CCDC7: variants seen among roughly 807,000 people sequenced by gnomAD.
The protein encoded by CCDC7 is coiled-coil domain containing 7.
Under a neutral mutation model 196.9 loss-of-function variants are expected in CCDC7, and 183 were observed. The ratio of observed to expected loss-of-function variants is 0.93; its 90% CI spans 0.82 to 1.05. CCDC7 has a LOEUF of 1.05. CCDC7 is among the 50% of genes least tolerant of loss of function. CCDC7 has a pLI of 0.00. For missense variants in CCDC7, 1,540 were observed against 1,482.2 expected, an observed-to-expected ratio of 1.04 and a Z score of -0.64; for synonymous variants, 525 against 484.6, an observed-to-expected ratio of 1.08 and a Z score of -1.10.
At chr10:32,535,523 G>T (rs11008965) in intron 11 of CCDC7, among the ~76,000 whole-genome samples, 17,190 of 152,112 alleles carry the variant, frequency 0.11, 1,171 homozygotes, top group South Asian at 0.27. Flanking sequence ...ACAGGTCATA[G>T]ATGGATTCAA....
At chr10:32,683,708 G>C (rs2076127447) in intron 21 of CCDC7, among the ~76,000 whole-genome samples, 1 of 152,156 alleles carries the variant, frequency 6.6e-6, no homozygotes, top group Admixed American at 6.5e-5. Flanking sequence ...GGTGAGTACT[G>C]CTGCAGCAGC....
chr10:32,468,805 C>T (rs1213339173), intron 5 of CCDC7, among the ~76,000 whole-genome samples: 2 of 152,154 alleles, frequency 1.3e-5, no homozygotes, highest in African/African-American at 4.8e-5. Context: ...CTTATGCACA[C>T]TAACATTTGA....
At chr10:32,506,946 A>G (rs1389703649) in intron 9 of CCDC7, among the ~76,000 whole-genome samples, 2 of 152,164 alleles carry the variant, frequency 1.3e-5, no homozygotes, top group African/African-American at 2.4e-5. Flanking sequence ...CTCTCTTCTT[A>G]TATAAGTATA....
chr10:32,610,688 C>T (rs1205095160), intron 18 of CCDC7, among the ~76,000 whole-genome samples: 1 of 152,058 alleles, frequency 6.6e-6, no homozygotes, highest in Non-Finnish European at 1.5e-5. Context: ...TTTTCTGTTC[C>T]TGTGTTAGGT....
At chr10:32,525,816 AC>A (rs146928237) in intron 11 of CCDC7, among the ~76,000 whole-genome samples, 6,299 of 152,302 alleles carry the variant, frequency 0.041, 132 homozygotes, top group Middle Eastern at 0.065. Context: ...TCTCTGGATT[AC>A]CAGGCAGGAA....
intron 9 of CCDC7, among the ~76,000 whole-genome samples, chr10:32,495,365 CT>C (rs1468687144): frequency 6.6e-6 from 1 of 152,120 alleles, no homozygotes; most frequent in Non-Finnish European, 1.5e-5. Context: ...ATGATAGTTT[CT>C]TTTGCTGTGC....
chr10:32,821,485 A>T (rs1593131793), intron 31 of CCDC7, among the ~76,000 whole-genome samples: 1 of 152,114 alleles, frequency 6.6e-6, no homozygotes, highest in Non-Finnish European at 1.5e-5. Flanking sequence ...GGATTATAAA[A>T]CATGCTGCTA....
At chr10:32,743,809 A>G (rs1177093674) in intron 28 of CCDC7, among the ~76,000 whole-genome samples, 1 of 152,142 alleles carries the variant, frequency 6.6e-6, no homozygotes, top group African/African-American at 2.4e-5. Flanking sequence ...CTATGCAACC[A>G]TAAAAAGGAT....
At chr10:32,649,126 T>C (rs2068275684) in intron 20 of CCDC7, among the ~76,000 whole-genome samples, 1 of 152,068 alleles carries the variant, frequency 6.6e-6, no homozygotes, top group Non-Finnish European at 1.5e-5. Flanking sequence ...CATGGATACA[T>C]GGGGGGATCA....
At chr10:32,664,183 A>G (rs1025499194) in intron 21 of CCDC7, 22 bp downstream of exon 22, 1 of 394,452 alleles carries the variant, frequency 2.5e-6, no homozygotes, top group Non-Finnish European at 4.5e-6. Context: ...AATTGTAGAT[A>G]ACCTTAAAAT....
intron 21 of CCDC7, among the ~76,000 whole-genome samples, chr10:32,683,061 T>C (rs1047409260): frequency 3.3e-5 from 5 of 152,214 alleles, no homozygotes; most frequent in African/African-American, 1.2e-4. Context: ...TCTCATGATA[T>C]CTTTGCCAAG....
At chr10:32,643,036 G>T (rs1021345004) in intron 20 of CCDC7, among the ~76,000 whole-genome samples, 1 of 152,168 alleles carries the variant, frequency 6.6e-6, no homozygotes, top group African/African-American at 2.4e-5. Context: ...GCATTAAATT[G>T]TGCTATTTAA....
chr10:32,713,904 G>T (rs528113962), intron 25 of CCDC7, among the ~76,000 whole-genome samples: 1 of 152,330 alleles, frequency 6.6e-6, no homozygotes, highest in African/African-American at 2.4e-5. Flanking sequence ...TTAGGAGGAG[G>T]TTTGATAACC....
chr10:32,714,833 AGGCT>A (rs2081348613), intron 25 of CCDC7, among the ~76,000 whole-genome samples: 1 of 152,196 alleles, frequency 6.6e-6, no homozygotes, highest in Non-Finnish European at 1.5e-5. Context: ...CACTGTAACC[AGGCT>A]GTCTTTCTAG....
chr10:32,535,157 C>A (rs1473559884), intron 11 of CCDC7, among the ~76,000 whole-genome samples: 1 of 151,260 alleles, frequency 6.6e-6, no homozygotes, highest in Non-Finnish European at 1.5e-5. Flanking sequence ...AAAATATGTC[C>A]CATCCTTATA....
At chr10:32,799,929 T>G (rs1249260740) in intron 29 of CCDC7, among the ~76,000 whole-genome samples, 1 of 152,252 alleles carries the variant, frequency 6.6e-6, no homozygotes, top group Non-Finnish European at 1.5e-5. Flanking sequence ...TTGCTGGCCT[T>G]GCCCACTGAA....
intron 33 of CCDC7, among the ~76,000 whole-genome samples, chr10:32,840,542 C>T (rs2092909052): frequency 6.6e-6 from 1 of 151,798 alleles, no homozygotes; most frequent in East Asian, 1.9e-4. Flanking sequence ...AGTTCAGGAC[C>T]AAATGGGATT....
At chr10:32,637,515 G>C (rs2065871782) in intron 20 of CCDC7, among the ~76,000 whole-genome samples, 2 of 152,116 alleles carry the variant, frequency 1.3e-5, no homozygotes, top group Admixed American at 1.3e-4. Context: ...GTTTTTGTCA[G>C]GTTTGTCAAA....
intron 18 of CCDC7, among the ~76,000 whole-genome samples, chr10:32,633,712 G>A (rs549925272): frequency 0.039 from 5,529 of 141,876 alleles, 122 homozygotes; most frequent in Non-Finnish European, 0.051. Context: ...GTGTGTGTGT[G>A]TGTGTGTGTG....
Sources: allele counts gnomAD v4.1 joint callset (sites outside exome capture counted in the v4.1 genomes callset), GRCh38; gene constraint gnomAD v4.1.1; transcripts MANE v1.5; gene names NCBI Gene and HGNC (gene_info 2026-07-23, HGNC 2026-07-21).